The following TET2 variants were observed in gnomAD, a reference collection of about 807,000 sequenced individuals.
TET2 encodes tet methylcytosine dioxygenase 2.
In TET2, 299 loss-of-function variants were observed where a neutral mutation model predicts 142.9. The observed-to-expected ratio is 2.09, with a 90% confidence interval of 1.90 to 2.30. The LOEUF is 2.30. Ranked by LOEUF, TET2 falls within the 30% of genes most tolerant of loss-of-function variation. The pLI is 0.00. For missense variants in TET2, 2,418 were observed against 2,378.0 expected (o/e 1.02, Z -0.35); for synonymous variants, 819 against 849.0 (o/e 0.96, Z 0.61).
chr4:105,230,043 A>G (rs1056207423), intron 2 of TET2, among the ~76,000 whole-genome samples: 2 of 151,916 alleles, frequency 1.3e-5, no homozygotes, highest in African/African-American at 2.4e-5. Flanking sequence ...TGTCAGATAT[A>G]TATATATATA....
In TET2 at chr4:105,147,473, G is replaced by A. The variant is rs564247421; in HGVS notation, c.-193+494G>A. 12 of 152,418 alleles carry A rather than the reference G, an allele frequency of 7.9e-5. No individual in the cohort carries two copies. In the East Asian group the frequency reaches 2.1e-3, roughly 27 times the overall value. The allele number at this position is 152,418 out of a possible 1,614,324, so 9.4% of individuals were successfully genotyped here. ...GACCCTTTTATCAGCTGTAGGGTCT[G>A]GGTCTGGGTTTGTGTCTGCCTCCTC... On this transcript the variant is annotated intron_variant, in intron 1 of 10. Coordinates refer to ENST00000380013, the MANE Select transcript of TET2 (RefSeq NM_001127208.3).
chr4:105,244,584 ATG>A lies in TET2; in HGVS notation c.3803+808_3803+809del, dbSNP rs1321334590. On this transcript the variant is annotated intron_variant, in intron 6 of 10. Transcript: ENST00000380013. ...TGAATGTTCACGGTGCTACACAGAA[ATG>A]TTTTTTTTTTTTTTTTTTTTTTTTT... Among the ~76,000 whole-genome samples the A allele has an allele frequency of 2.4e-4, 28 of 116,768 alleles. 2 individuals carry two copies. The highest frequency in any genetic ancestry group is 6.3e-4 in the African/African-American group (18 of 28,472). The allele number at this position is 116,768 out of a possible 152,430, so 76.6% of individuals were successfully genotyped here.
intron 1 of TET2, among the ~76,000 whole-genome samples, chr4:105,157,491 A>G (rs1392531246): frequency 6.6e-6 from 1 of 152,170 alleles, no homozygotes; most frequent in Non-Finnish European, 1.5e-5. Flanking sequence ...ACAAGGTTGT[A>G]TTTTAATTTT....
rs1432251689 is a variant in TET2 at position 105,269,603 on chromosome 4, T to G, written c.4045-7T>G. 1.3e-6 allele frequency: 2 copies of G among 1,551,320 alleles called. No individual in the cohort carries two copies. Among genetic ancestry groups the G allele is most frequent in the African/African-American group, 1.4e-5 (1 of 73,030 alleles). ...CTTTCGCATTCACACACACTTTTATTTTTCAGATTGAATATGAACACAGAG... is the reference window on the plus strand; with the variant it reads ...CTTTCGCATTCACACACACTTTTATGTTTCAGATTGAATATGAACACAGAG... On this transcript the variant is annotated splice_polypyrimidine_tract_variant and splice_region_variant and intron_variant, in intron 8 of 10. Transcript: ENST00000380013.
intron 2 of TET2, among the ~76,000 whole-genome samples, chr4:105,192,977 C>T (rs1426452852): frequency 2.6e-5 from 4 of 152,032 alleles, no homozygotes; most frequent in Non-Finnish European, 5.9e-5. Flanking sequence ...GCCAAAAGAC[C>T]TGGAGTAGTA....
chr4:105,157,197 A>G (rs932443286), intron 1 of TET2, among the ~76,000 whole-genome samples: 1 of 152,138 alleles, frequency 6.6e-6, no homozygotes, highest in Non-Finnish European at 1.5e-5. Flanking sequence ...ATATTAATTC[A>G]TTTACATTCC....
In TET2 at chr4:105,275,640, C is replaced by A. The variant is rs1404503218; in HGVS notation, c.5130C>A (p.Thr1710=). ...NMQGDGFSSC[T]IRPNVHHVGK... is the part of the protein sequence containing the mutation. Reference sequence around the variant, plus strand: ...AGGGAGATGGTTTCAGCAGTTGTACCATTAGACCAAATGTACATCATGTAG... The same window carrying A: ...AGGGAGATGGTTTCAGCAGTTGTACAATTAGACCAAATGTACATCATGTAG... Residue 1710 remains threonine, a synonymous_variant, in exon 11 of 11, where the codon ACC becomes ACA. Transcript: ENST00000380013. 6.4e-7 allele frequency: 1 copy of A among 1,551,894 alleles called. No homozygotes were observed.
chr4:105,266,808 A>G (rs1381915800), intron 8 of TET2, among the ~76,000 whole-genome samples: 1 of 152,070 alleles, frequency 6.6e-6, no homozygotes, highest in Non-Finnish European at 1.5e-5. Context: ...AGGAGGTGGG[A>G]GACAGAAAAA....
intron 2 of TET2, among the ~76,000 whole-genome samples, chr4:105,219,244 C>T (rs1727673609): frequency 6.6e-6 from 1 of 152,050 alleles, no homozygotes; most frequent in Admixed American, 6.6e-5. Flanking sequence ...TAATATCCTA[C>T]AAATTAACTA....
At chr4:105,149,595 A>G (rs557251331) in intron 1 of TET2, among the ~76,000 whole-genome samples, 3 of 152,328 alleles carry the variant, frequency 2.0e-5, no homozygotes, top group African/African-American at 7.2e-5. Flanking sequence ...GGGTTATTGA[A>G]TTTTAGGAAC....
intron 1 of TET2, among the ~76,000 whole-genome samples, chr4:105,152,229 C>T (rs971638226): frequency 3.3e-5 from 5 of 151,930 alleles, no homozygotes; most frequent in African/African-American, 7.3e-5. Context: ...TGCGGTGAGC[C>T]GAGATGGCTC....
intron 1 of TET2, among the ~76,000 whole-genome samples, chr4:105,162,952 T>TA (rs983847335): frequency 2.0e-5 from 3 of 152,282 alleles, no homozygotes; most frequent in Non-Finnish European, 4.4e-5. Context: ...TATGCAATGA[T>TA]AAACTAGTGG....
intron 1 of TET2, among the ~76,000 whole-genome samples, chr4:105,155,170 T>A (rs1723504038): frequency 6.6e-6 from 1 of 152,240 alleles, no homozygotes; most frequent in African/African-American, 2.4e-5. Flanking sequence ...GGGCAGAGAA[T>A]AAACTTCAAA....
chr4:105,226,196 C>A (rs955438299), intron 2 of TET2, among the ~76,000 whole-genome samples: 1 of 152,188 alleles, frequency 6.6e-6, no homozygotes, highest in South Asian at 2.1e-4. Context: ...GTGGGAAGAG[C>A]TTTAGAGAGC....
At chr4:105,204,488 A>G (rs139551754) in intron 2 of TET2, among the ~76,000 whole-genome samples, 2 of 152,310 alleles carry the variant, frequency 1.3e-5, no homozygotes, top group African/African-American at 4.8e-5. Flanking sequence ...ATAATTTACC[A>G]ATGGAGAAAA....
At chr4:105,244,737 A>C (rs1319835210) in intron 6 of TET2, among the ~76,000 whole-genome samples, 1 of 151,898 alleles carries the variant, frequency 6.6e-6, no homozygotes, top group Non-Finnish European at 1.5e-5. Context: ...CTGGGATTAC[A>C]GGCATGTGCC....
At chr4:105,188,506 G>A (rs1021576286) in intron 1 of TET2, among the ~76,000 whole-genome samples, 2 of 152,132 alleles carry the variant, frequency 1.3e-5, no homozygotes, top group Non-Finnish European at 2.9e-5. Context: ...CTTAAATATG[G>A]TTTGAATGGC....
At chr4:105,224,683 AG>A (rs1728063994) in intron 2 of TET2, among the ~76,000 whole-genome samples, 1 of 35,424 alleles carries the variant, frequency 2.8e-5, no homozygotes, top group Non-Finnish European at 6.3e-5. Flanking sequence ...CATATCAGCC[AG>A]TCTCTCTCTC....
At position 105,234,640 on chromosome 4, in the gene TET2, A is replaced by G. The variant is rs1728723074; in HGVS notation, c.698A>G (p.Tyr233Cys). 3.1e-6 allele frequency: 5 copies of G among 1,614,126 alleles called. No individual in the cohort carries two copies. Among genetic ancestry groups the G allele is most frequent in the Non-Finnish European group, 3.4e-6 (4 of 1,180,010 alleles). The change falls in exon 3 of 11, where the codon TAT becomes TGT. Residue 233 changes from tyrosine to cysteine, a missense_variant. Physicochemically the swap from Tyr to Cys is radical, Grantham distance 194. Transcript: ENST00000380013. ...GELLEKTLSQ[Y>C]YPDCVSIAVQ... Reference sequence around the variant, plus strand: ...CTCCTGGAAAAAACACTGTCTCAATATTATCCAGATTGTGTTTCCATTGCG... The same window carrying G: ...CTCCTGGAAAAAACACTGTCTCAATGTTATCCAGATTGTGTTTCCATTGCG...
Sources: allele counts gnomAD v4.1 joint callset (sites outside exome capture counted in the v4.1 genomes callset), GRCh38; gene constraint gnomAD v4.1.1; transcripts MANE v1.5; gene names NCBI Gene and HGNC (gene_info 2026-07-23, HGNC 2026-07-21).